TMEM232: variants seen among roughly 807,000 people sequenced by gnomAD.
TMEM232 encodes transmembrane protein 232.
In TMEM232, 80 loss-of-function variants were observed where a neutral mutation model predicts 78.8. The ratio of observed to expected loss-of-function variants is 1.01; its 90% CI spans 0.85 to 1.22. The LOEUF is 1.22. TMEM232 is among the 50% of genes most tolerant of loss of function. The pLI, the probability that TMEM232 is intolerant of heterozygous loss-of-function variation, is 0.00. For missense variants in TMEM232, 881 were observed against 742.2 expected (o/e 1.19, Z -2.17); for synonymous variants, 297 against 254.3 (o/e 1.17, Z -1.60).
At chr5:110,645,783 C>T (rs1338600212) in intron 2 of TMEM232, among the ~76,000 whole-genome samples, 1 of 151,548 alleles carries the variant, frequency 6.6e-6, no homozygotes, top group African/African-American at 2.4e-5. Context: ...AAAATTATCA[C>T]TTCTTGCAAA....
At chr5:110,702,278 C>G (rs1178329405) in intron 1 of TMEM232, among the ~76,000 whole-genome samples, 3 of 152,012 alleles carry the variant, frequency 2.0e-5, no homozygotes, top group African/African-American at 4.8e-5. Context: ...AACCCAAAAC[C>G]ATGGAGGACA....
intron 12 of TMEM232, among the ~76,000 whole-genome samples, chr5:110,434,779 G>C (rs1246305802): frequency 6.6e-6 from 1 of 152,180 alleles, no homozygotes; most frequent in South Asian, 2.1e-4. Flanking sequence ...CTTTATTCCT[G>C]GGATTCAAGA....
At chr5:110,457,467 T>C (rs73220732) in intron 12 of TMEM232, among the ~76,000 whole-genome samples, 3,101 of 152,204 alleles carry the variant, frequency 0.02, 121 homozygotes, top group African/African-American at 0.071. Flanking sequence ...TTTATACACA[T>C]ACTTACCATA....
intron 2 of TMEM232, among the ~76,000 whole-genome samples, chr5:110,661,941 CT>C (rs577922876): frequency 3.3e-5 from 5 of 151,944 alleles, no homozygotes; most frequent in Non-Finnish European, 7.4e-5. Context: ...ATTTGTATGT[CT>C]TTTTTTGAGA....
At chr5:110,524,342 A>C (rs1264574947) in intron 12 of TMEM232, among the ~76,000 whole-genome samples, 1 of 138,994 alleles carries the variant, frequency 7.2e-6, no homozygotes, top group Non-Finnish European at 1.5e-5. Context: ...AGAGAAAAAG[A>C]AAGAGAAAGA....
chr5:110,515,629 T>C (rs970208418), intron 12 of TMEM232, among the ~76,000 whole-genome samples: 10 of 152,150 alleles, frequency 6.6e-5, no homozygotes, highest in African/African-American at 2.4e-4. Context: ...ACCATGTACT[T>C]CTTTCTGCTA....
intron 2 of TMEM232, among the ~76,000 whole-genome samples, chr5:110,402,212 G>A (rs35059300): frequency 0.089 from 13,474 of 152,022 alleles, 756 homozygotes; most frequent in South Asian, 0.17. Context: ...AACCCATCTG[G>A]ATTTAGGGAC....
intron 12 of TMEM232, among the ~76,000 whole-genome samples, chr5:110,431,062 G>A (rs1757784593): frequency 6.6e-6 from 1 of 151,534 alleles, no homozygotes; most frequent in Non-Finnish European, 1.5e-5. Context: ...CAATCTTACA[G>A]GGTTGACAAA....
rs1184682419 is a variant in TMEM232 at position 110,699,055 on chromosome 5, C to A, written c.-13+27572G>T. 2.2e-5 allele frequency among the ~76,000 whole-genome samples: 3 copies of A among 136,832 alleles called. No individual in the cohort carries two copies. The East Asian group carries it at 6.1e-4, about 28-fold the overall frequency. The allele number at this position is 136,832 out of a possible 152,430, so 89.8% of individuals were successfully genotyped here. Reference sequence around the variant, plus strand: ...GTTCCCCCAGAAGGACAAAAACAAACAAAACAAAACAAAACAAAACAAAAA... The same window carrying A: ...GTTCCCCCAGAAGGACAAAAACAAAAAAAACAAAACAAAACAAAACAAAAA... On this transcript the variant is annotated intron_variant, in intron 1 of 13. Transcript: ENST00000455884.
chr5:110,511,512 A>T (rs1303153397), intron 12 of TMEM232, among the ~76,000 whole-genome samples: 1 of 152,028 alleles, frequency 6.6e-6, no homozygotes, highest in African/African-American at 2.4e-5. Flanking sequence ...TACTACATTA[A>T]TATATTGGAA....
intron 11 of TMEM232, among the ~76,000 whole-genome samples, chr5:110,546,839 G>A (rs966948571): frequency 6.6e-6 from 1 of 151,998 alleles, no homozygotes; most frequent in Non-Finnish European, 1.5e-5. Context: ...AATATTATAA[G>A]TTGGTTTAAG....
chr5:110,485,434 C>G (rs918106825), intron 12 of TMEM232, among the ~76,000 whole-genome samples: 1 of 152,036 alleles, frequency 6.6e-6, no homozygotes, highest in South Asian at 2.1e-4. Flanking sequence ...TATTTGTAGT[C>G]TTTTAATCCC....
intron 12 of TMEM232, among the ~76,000 whole-genome samples, chr5:110,454,478 T>A (rs747961330): frequency 1.2e-4 from 18 of 150,724 alleles, no homozygotes; most frequent in Admixed American, 1.2e-3. Flanking sequence ...CTGGGCAACA[T>A]AGCAAGACTC....
chr5:110,596,883 C>T (rs1383148521), intron 10 of TMEM232, among the ~76,000 whole-genome samples: 2 of 152,056 alleles, frequency 1.3e-5, no homozygotes, highest in African/African-American at 4.8e-5. Context: ...TAAGAGCTAT[C>T]TATGACAAAC....
chr5:110,574,052 A>T (rs1777276953), intron 10 of TMEM232, among the ~76,000 whole-genome samples: 1 of 152,046 alleles, frequency 6.6e-6, no homozygotes, highest in Non-Finnish European at 1.5e-5. Flanking sequence ...CACTAATTCA[A>T]AATCATAAGA....
chr5:110,686,742 G>A (rs1793464147), intron 1 of TMEM232, among the ~76,000 whole-genome samples: 2 of 152,118 alleles, frequency 1.3e-5, no homozygotes, highest in South Asian at 2.1e-4. Context: ...ATAAAAATAA[G>A]GGCTCAAACA....
At chr5:110,506,898 T>C (rs1326047297) in intron 12 of TMEM232, among the ~76,000 whole-genome samples, 1 of 152,208 alleles carries the variant, frequency 6.6e-6, no homozygotes, top group Admixed American at 6.6e-5. Flanking sequence ...AAAGCAATTA[T>C]ATTTTTCTTT....
chr5:110,514,669 A>AT (rs753780395), intron 12 of TMEM232, among the ~76,000 whole-genome samples: 13 of 151,900 alleles, frequency 8.6e-5, no homozygotes, highest in Non-Finnish European at 1.3e-4. Context: ...GACTTTTTAC[A>AT]TTTTTTTTCC....
chr5:110,561,406 T>C (rs1047560896), intron 11 of TMEM232, among the ~76,000 whole-genome samples: 6 of 151,966 alleles, frequency 3.9e-5, no homozygotes, highest in African/African-American at 7.3e-5. Context: ...TGGGTATATA[T>C]ATATATGTAT....
Sources: gnomAD v4.1 joint callset for allele counts (sites outside exome capture counted in the v4.1 genomes callset) on GRCh38, gnomAD v4.1.1 for gene constraint, MANE v1.5 for transcripts, NCBI Gene and HGNC (gene_info 2026-07-23, HGNC 2026-07-21) for gene names.